CAMSAP1: variants seen among roughly 807,000 people sequenced by gnomAD.
CAMSAP1 encodes calmodulin regulated spectrin associated protein 1.
CAMSAP1 carries 58 observed loss-of-function variants against 143.5 expected under a neutral mutation model. The observed-to-expected ratio is 0.40, with a 90% CI of 0.33 to 0.50. The LOEUF is 0.50. Among genes scored for constraint, CAMSAP1 ranks in the 20% least tolerant of loss-of-function variants. CAMSAP1 has a pLI of 0.45. For missense variants in CAMSAP1, 1,969 were observed against 2,115.7 expected (o/e 0.93, Z 1.36); for synonymous variants, 945 against 859.3 (o/e 1.10, Z -1.74).
At chr9:135,864,390 C>T (rs988665228) in intron 4 of CAMSAP1, among the ~76,000 whole-genome samples, 4 of 152,226 alleles carry the variant, frequency 2.6e-5, no homozygotes, top group African/African-American at 9.6e-5. Flanking sequence ...TCTGTGAGCT[C>T]TGCAGCAGAA....
Position 135,810,134 on chromosome 9 carries a change from C to A in CAMSAP1, c.*1175G>T, listed in dbSNP as rs775125652. On this transcript the variant is annotated 3_prime_UTR_variant, in exon 17 of 17. Coordinates refer to ENST00000389532, the MANE Select transcript of CAMSAP1 (RefSeq NM_015447.4). ...GCACGCACCTGCTCCTGGGAATGTCCGCGCTCCACAGAAGCATCAACACCA... is the reference window on the plus strand; with the variant it reads ...GCACGCACCTGCTCCTGGGAATGTCAGCGCTCCACAGAAGCATCAACACCA... The A allele has an allele frequency of 6.6e-6, 1 of 152,470 alleles. No homozygotes were observed. The highest frequency in any genetic ancestry group is 2.4e-5 in the African/African-American group (1 of 41,430). 9.4% of individuals were successfully genotyped at this position (152,470 alleles called of 1,614,324 possible). A position where few individuals can be genotyped will look rare whatever the true frequency, so the allele number is the denominator to read the frequency against.
At chr9:135,853,198 C>T (rs1836839585) in intron 5 of CAMSAP1, among the ~76,000 whole-genome samples, 1 of 151,342 alleles carries the variant, frequency 6.6e-6, no homozygotes, top group Non-Finnish European at 1.5e-5. Flanking sequence ...AAACTCCAGA[C>T]AAACACACCA....
rs981367331 is a variant in CAMSAP1, at chr9:135,906,916, C to A, written c.160+84G>T. On this transcript the variant is annotated intron_variant, in intron 1 of 16. Coordinates refer to ENST00000389532, the MANE Select transcript of CAMSAP1 (RefSeq NM_015447.4). ...GCGGCACAAAGGCGCGGCGCGCGGA[C>A]CCCGACCCGGCCGGACCCCGGCCGC... 6.7e-5 allele frequency: 54 copies of A among 806,478 alleles called. No homozygotes were observed. In the African/African-American group the frequency reaches 8.6e-4, roughly 13 times the overall value. The allele number at this position is 806,478 out of a possible 1,614,324, so 50.0% of individuals were successfully genotyped here. A position where few individuals can be genotyped will look rare whatever the true frequency, so the allele number is the denominator to read the frequency against.
intron 16 of CAMSAP1, among the ~76,000 whole-genome samples, chr9:135,812,909 T>C (rs1327318674): frequency 1.3e-5 from 2 of 151,694 alleles, no homozygotes; most frequent in African/African-American, 2.4e-5. Flanking sequence ...TGAGCTGAGA[T>C]TGCACCACTG....
At chr9:135,861,885 T>C (rs970539495) in intron 5 of CAMSAP1, among the ~76,000 whole-genome samples, 1 of 152,166 alleles carries the variant, frequency 6.6e-6, no homozygotes, top group African/African-American at 2.4e-5. Context: ...TCACTCTCTC[T>C]CTCTCCTCGT....
chr9:135,855,265 T>C (rs1427429673), intron 5 of CAMSAP1, among the ~76,000 whole-genome samples: 1 of 152,132 alleles, frequency 6.6e-6, no homozygotes, highest in East Asian at 1.9e-4. Flanking sequence ...GGGCTGGGAT[T>C]ACAGGCGTGA....
intron 3 of CAMSAP1, among the ~76,000 whole-genome samples, chr9:135,876,206 G>A (rs1056925904): frequency 6.6e-6 from 1 of 152,134 alleles, no homozygotes; most frequent in Non-Finnish European, 1.5e-5. Context: ...GCCCACCTCG[G>A]CCTCCCAAAG....
In CAMSAP1 at chr9:135,818,994, C is replaced by G. The variant is rs41311218; in HGVS notation, c.3959+16G>C. 6,076 of 1,603,290 alleles carry G rather than the reference C, an allele frequency of 3.8e-3. 93 individuals carry two copies. In the African/African-American group the frequency reaches 0.046, roughly 12 times the overall value. ...GCTCCTGCTCAGTCTGCTTTCCCCC[C>G]CGGCGGGACGCTTACCGGGCTTCGT... On this transcript the variant is annotated intron_variant, in intron 12 of 16. Transcript: ENST00000389532. The surrounding 1 kb of genome is among the most constrained non-coding windows in gnomAD (Gnocchi z 7.7).
intron 14 of CAMSAP1, chr9:135,817,746 G>C: frequency 2.0e-6 from 1 of 503,452 alleles, no homozygotes; most frequent in South Asian, 2.2e-5. Context: ...CGTGTGGGGT[G>C]GGGGACAGGG....
chr9:135,829,437 AG>A (rs1430542248), intron 7 of CAMSAP1, among the ~76,000 whole-genome samples: 2 of 152,134 alleles, frequency 1.3e-5, no homozygotes, highest in Non-Finnish European at 2.9e-5. Flanking sequence ...GGATTGCTTG[AG>A]CCCAGGAGTC....
intron 5 of CAMSAP1, among the ~76,000 whole-genome samples, chr9:135,854,052 G>C (rs546219478): frequency 8.8e-4 from 134 of 152,362 alleles, no homozygotes; most frequent in African/African-American, 3.1e-3. Context: ...CTCAGTGTCA[G>C]GGAATAATCC....
At chr9:135,858,525 G>C (rs1015735701) in intron 5 of CAMSAP1, among the ~76,000 whole-genome samples, 1 of 152,102 alleles carries the variant, frequency 6.6e-6, no homozygotes, top group African/African-American at 2.4e-5. Flanking sequence ...GCCTTCTCTG[G>C]CTTCCAGGCA....
At chr9:135,846,188 G>C (rs1836543241) in intron 7 of CAMSAP1, among the ~76,000 whole-genome samples, 1 of 150,062 alleles carries the variant, frequency 6.7e-6, no homozygotes, top group Non-Finnish European at 1.5e-5. Flanking sequence ...CAGATATATA[G>C]ACCAATGGAA....
chr9:135,832,864 C>A (rs55860720), intron 7 of CAMSAP1, among the ~76,000 whole-genome samples: 15,144 of 152,010 alleles, frequency 0.1, 966 homozygotes, highest in East Asian at 0.34. Context: ...AACAATAGAA[C>A]ACTGATGAAA....
chr9:135,836,596 C>T (rs1239086256), intron 7 of CAMSAP1: 1 of 982,790 alleles, frequency 1.0e-6, no homozygotes, highest in Non-Finnish European at 1.2e-6. Flanking sequence ...ACCCATTCTG[C>T]AGCCACACAT....
At position 135,818,204 on chromosome 9, in the gene CAMSAP1, A is replaced by G; in HGVS notation, c.4169-125T>C. 4 of 1,163,716 alleles carry G rather than the reference A, an allele frequency of 3.4e-6. No individual in the cohort carries two copies. The highest frequency in any genetic ancestry group is 4.9e-6 in the Non-Finnish European group (4 of 824,034). 72.1% of individuals were successfully genotyped at this position (1,163,716 alleles called of 1,614,324 possible). On this transcript the variant is annotated intron_variant, in intron 13 of 16. Coordinates refer to ENST00000389532, the MANE Select transcript of CAMSAP1 (RefSeq NM_015447.4). This position sits in a 1 kb window ranked among gnomAD's most constrained non-coding sequence, Gnocchi z 7.7. ...GCCACACAGGCCGCGTCCCCACCCC[A>G]TCCCGGGGAGCCGGGCTGCGCCTGG...
intron 1 of CAMSAP1, among the ~76,000 whole-genome samples, chr9:135,887,571 C>T (rs186722082): frequency 1.4e-4 from 22 of 152,228 alleles, no homozygotes; most frequent in Admixed American, 2.6e-4. Context: ...GGAGGCCCCT[C>T]GGGAGGCGGA....
Position 135,811,054 on chromosome 9 carries a change from T to C in CAMSAP1, c.*255A>G, listed in dbSNP as rs1432927870. The C allele has an allele frequency of 3.8e-6, 2 of 526,462 alleles. No individual in the cohort carries two copies. The highest frequency in any genetic ancestry group is 6.8e-6 in the Non-Finnish European group (2 of 292,740). 32.6% of individuals were successfully genotyped at this position (526,462 alleles called of 1,614,324 possible). On this transcript the variant is annotated 3_prime_UTR_variant, in exon 17 of 17. Transcript: ENST00000389532. This position sits in a 1 kb window ranked among gnomAD's most constrained non-coding sequence, Gnocchi z 4.9. ...CAGTGGTCAGCAGTGGCCACAGCAG[T>C]GCGAGCCACTGCAAAAGCGGCATCT...
intron 8 of CAMSAP1, among the ~76,000 whole-genome samples, chr9:135,827,073 A>G (rs1464551544): frequency 1.3e-5 from 2 of 152,226 alleles, no homozygotes; most frequent in Admixed American, 1.3e-4. Flanking sequence ...ATCAGACCAT[A>G]AAGAGCACAC....
Sources: allele counts gnomAD v4.1 joint callset (sites outside exome capture counted in the v4.1 genomes callset), GRCh38; gene constraint gnomAD v4.1.1; non-coding constraint Gnocchi (gnomAD v3.1); transcripts MANE v1.5; gene names NCBI Gene and HGNC (gene_info 2026-07-23, HGNC 2026-07-21).